Variants in RHBDF1 observed in about 807,000 individuals in gnomAD.
The protein encoded by RHBDF1 is rhomboid 5 homolog 1.
RHBDF1 carries 80 observed loss-of-function variants against 98.6 expected under a neutral mutation model. That is an observed-to-expected ratio of 0.81 (90% CI 0.68 to 0.98). The LOEUF is 0.98. RHBDF1 is among the 50% of genes least tolerant of loss of function. RHBDF1 has a pLI of 0.00. For missense variants in RHBDF1, 1,116 were observed against 1,198.3 expected (o/e 0.93, Z 1.01); for synonymous variants, 512 against 486.8 (o/e 1.05, Z -0.68).
Position 70,013 on chromosome 16 carries a change from G to A in RHBDF1, c.-25+2500C>T, listed in dbSNP as rs564065434. 5.6e-3 allele frequency among the ~76,000 whole-genome samples: 737 copies of A among 132,250 alleles called. 3 individuals are homozygous for A. Among genetic ancestry groups the A allele is most frequent in the Non-Finnish European group, 8.6e-3 (570 of 66,520 alleles). The allele number at this position is 132,250 out of a possible 152,430, so 86.8% of individuals were successfully genotyped here. A position where few individuals can be genotyped will look rare whatever the true frequency, so the allele number is the denominator to read the frequency against. On this transcript the variant is annotated intron_variant, in intron 1 of 17. Transcript: ENST00000262316. ...CAAAGGGGCCAGCACTTGGCAGGAG[G>A]GGGGGGGGCACTGCCCCAAGGCTCA...
Position 65,056 on chromosome 16 carries a change from G to C in RHBDF1, c.-24-17C>G. Reference sequence around the variant, plus strand: ...AAGGCAGGCCTGCGGGGCATGGTGTGTTATTCAATAATGACAAAGCTGACA... The same window carrying C: ...AAGGCAGGCCTGCGGGGCATGGTGTCTTATTCAATAATGACAAAGCTGACA... On this transcript the variant is annotated splice_polypyrimidine_tract_variant and intron_variant, in intron 1 of 17. Transcript: ENST00000262316. 6.7e-7 allele frequency: 1 copy of C among 1,491,060 alleles called. No homozygotes were observed. The highest frequency in any genetic ancestry group is 8.9e-7 in the Non-Finnish European group (1 of 1,124,548). 92.4% of individuals were successfully genotyped at this position (1,491,060 alleles called of 1,614,324 possible). A position where few individuals can be genotyped will look rare whatever the true frequency, so the allele number is the denominator to read the frequency against.
Position 61,714 on chromosome 16 carries a change from A to G in RHBDF1, c.1209-18T>C. On this transcript the variant is annotated intron_variant, in intron 8 of 17. Transcript: ENST00000262316. ...AGAAGGGCCTGCGGGGTGGAGCGTC[A>G]GCGGGGGCCTCATCCCCGACCCGGA... 6.2e-7 allele frequency: 1 copy of G among 1,612,964 alleles called. No individual in the cohort carries two copies. Among genetic ancestry groups the G allele is most frequent in the Middle Eastern group, 1.7e-4 (1 of 6,058 alleles).
intron 1 of RHBDF1, among the ~76,000 whole-genome samples, chr16:70,898 C>A (rs1897951513): frequency 6.6e-6 from 1 of 152,238 alleles, no homozygotes. Context: ...GACTCACCCC[C>A]AAAATCGTCC....
intron 3 of RHBDF1, 28 bp from the exon 4 acceptor site, chr16:63,828 C>T (rs202037831): frequency 4.9e-5 from 78 of 1,595,248 alleles, no homozygotes; most frequent in South Asian, 3.9e-4. Flanking sequence ...CAGCAAGGGG[C>T]GGCCAGATCG....
upstream of RHBDF1, among the ~76,000 whole-genome samples, chr16:75,345 AC>A (rs946705839): frequency 6.6e-6 from 1 of 152,106 alleles, no homozygotes; most frequent in Non-Finnish European, 1.5e-5. Flanking sequence ...CCCAACAGCT[AC>A]CCCAGAATCC....
chr16:66,028 T>TC lies in RHBDF1; in HGVS notation c.-24-990dup, dbSNP rs1897821331. Among the ~76,000 whole-genome samples the TC allele has an allele frequency of 2.0e-5, 3 of 152,286 alleles. No individual in the cohort carries two copies. The South Asian group carries it at 6.2e-4, about 32-fold the overall frequency. On this transcript the variant is annotated intron_variant, in intron 1 of 17. Transcript: ENST00000262316. ...CACTGCCTGGCCATATGACTACGAC[T>TC]CCATTTCCCCCTTACACCTTCCTGG... is the stretch of plus-strand genomic sequence containing the variant.
rs1345992576 is a variant in RHBDF1, at chr16:61,288, GCGAGGGAGACGAGCGGC to G, written c.1396-24_1396-8del. ...CCAGGTGGATGAGGGCCTCCTGCGG[GCGAGGGAGACGAGCGGC>G]CGCAGTCCGGGGCCTCCTGCCCCCG... On this transcript the variant is annotated splice_polypyrimidine_tract_variant and splice_region_variant and intron_variant, in intron 10 of 17. Coordinates refer to ENST00000262316, the MANE Select transcript of RHBDF1 (RefSeq NM_022450.5). 6.5e-7 allele frequency: 1 copy of G among 1,543,236 alleles called. No individual in the cohort carries two copies.
upstream of RHBDF1, among the ~76,000 whole-genome samples, chr16:75,909 G>A (rs1195828796): frequency 1.3e-5 from 2 of 152,160 alleles, no homozygotes; most frequent in Non-Finnish European, 2.9e-5. Context: ...GAGCCAGTGT[G>A]CTGGGCACCC....
In RHBDF1 at chr16:63,049, A is replaced by T. The variant is rs141410886; in HGVS notation, c.596T>A (p.Phe199Tyr). 4 of 1,612,844 alleles carry T rather than the reference A, an allele frequency of 2.5e-6. No homozygotes were observed. The African/African-American group carries it at 5.3e-5, about 22-fold the overall frequency. The part of the protein sequence containing the change: ...LCSFSSSRSG[F>Y]HRLPRRRKRE... Reference sequence around the variant, plus strand: ...CTTGCGCCGCCGCGGGAGCCGGTGGAAACCTGAGCGGGAGCTGGAGAAGGA... The same window carrying T: ...CTTGCGCCGCCGCGGGAGCCGGTGGTAACCTGAGCGGGAGCTGGAGAAGGA... Residue 199 changes from phenylalanine to tyrosine, a missense_variant, in exon 5 of 18, where the codon TTC (phenylalanine) becomes TAC (tyrosine). Transcript: ENST00000262316.
rs776718376 is a variant in RHBDF1, at chr16:62,879, C to T, written c.691G>A (p.Gly231Ser). 6.2e-7 allele frequency: 1 copy of T among 1,613,870 alleles called. No individual in the cohort carries two copies. The highest frequency in any genetic ancestry group is 8.5e-7 in the Non-Finnish European group (1 of 1,179,962). The change falls in exon 6 of 18, where the codon GGC becomes AGC. Residue 231 changes from glycine to serine, a missense_variant. Coordinates refer to ENST00000262316, the MANE Select transcript of RHBDF1 (RefSeq NM_022450.5). Reference protein sequence around the residue: ...ALMKGRSVRDGTFRRAQRRSF... With the variant: ...ALMKGRSVRDSTFRRAQRRSF... ...CGACGCTGTGCCCGGCGAAAGGTGC[C>T]ATCCCTAACGGAGCGGCCCTGGGGA...
Position 61,592 on chromosome 16 carries a change from A to G in RHBDF1, c.1313T>C (p.Val438Ala). Residue 438 changes from valine to alanine, a missense_variant, in exon 9 of 18, where the codon GTG becomes GCG. Val to Ala is a moderately conservative substitution (Grantham distance 64). Transcript: ENST00000262316. ...GAAGGCACAGGGGCTCACCGAGTCC[A>G]CCGTCTCATGCTGCGAGAAGCCCAC... ...APVGFSQHET[V>A]DSVLRNRGVY... 1 of 1,613,246 alleles carries G rather than the reference A, an allele frequency of 6.2e-7. No homozygotes were observed.
Position 58,153 on chromosome 16 carries a change from TATA to T in RHBDF1, c.*184_*186del, listed in dbSNP as rs1897455113. 1.7e-6 allele frequency: 1 copy of T among 587,488 alleles called. No individual in the cohort carries two copies. The highest frequency in any genetic ancestry group is 2.8e-5 in the East Asian group (1 of 35,212). 36.4% of individuals were successfully genotyped at this position (587,488 alleles called of 1,614,324 possible). A position where few individuals can be genotyped will look rare whatever the true frequency, so the allele number is the denominator to read the frequency against. On this transcript the variant is annotated 3_prime_UTR_variant, in exon 18 of 18. Coordinates refer to ENST00000262316, the MANE Select transcript of RHBDF1 (RefSeq NM_022450.5). Reference sequence around the variant, plus strand: ...GTTAGAAGGTTATGACAGGAAGTAGTATAATAAATGCCCGGCAGTACGAGGGGT... The same window carrying T: ...GTTAGAAGGTTATGACAGGAAGTAGTATAAATGCCCGGCAGTACGAGGGGT...
intron 17 of RHBDF1, 105 bp from the exon 18 acceptor site, chr16:58,864 G>A (rs1897488176): frequency 6.4e-7 from 1 of 1,554,292 alleles, no homozygotes; most frequent in Admixed American, 1.7e-5. Flanking sequence ...AGCATATTGG[G>A]ACCGAGGATC....
At position 61,701 on chromosome 16, in the gene RHBDF1, G is replaced by A. The variant is rs765379485; in HGVS notation, c.1209-5C>T. 2 of 1,613,252 alleles carry A rather than the reference G, an allele frequency of 1.2e-6. No homozygotes were observed. Among genetic ancestry groups the A allele is most frequent in the South Asian group, 1.1e-5 (1 of 91,078 alleles). ...AGCCAGTAGGTGAAGAAGGGCCTGC[G>A]GGGTGGAGCGTCAGCGGGGGCCTCA... On this transcript the variant is annotated splice_polypyrimidine_tract_variant and splice_region_variant and intron_variant, in intron 8 of 17. Transcript: ENST00000262316.
rs772922661 is a variant in RHBDF1 at position 59,724 on chromosome 16, A to G, written c.1817+8T>C. The G allele has an allele frequency of 1.1e-5, 17 of 1,613,750 alleles. No homozygotes were observed. The East Asian group carries it at 3.6e-4, about 34-fold the overall frequency. On this transcript the variant is annotated splice_region_variant and intron_variant, in intron 14 of 17. Transcript: ENST00000262316. The stretch of plus-strand genomic sequence containing the variant: ...AGACCAGCTGCACTCGCTGGCACGC[A>G]CACGTACCTGCCCTTGGTGCCAATG...
Position 62,079 on chromosome 16 carries a change from G to A in RHBDF1, c.954-27C>T, listed in dbSNP as rs544678216. Reference sequence around the variant, plus strand: ...TGGAGGGAGCCGGCATTCACCTCCCGCCCCAGCCCCGCAAACTGCTGCAGT... The same window carrying A: ...TGGAGGGAGCCGGCATTCACCTCCCACCCCAGCCCCGCAAACTGCTGCAGT... On this transcript the variant is annotated intron_variant, in intron 7 of 17. Transcript: ENST00000262316. 3.8e-5 allele frequency: 55 copies of A among 1,439,628 alleles called. No homozygotes were observed. In the Admixed American group the frequency reaches 8.5e-4, roughly 22 times the overall value. 89.2% of individuals were successfully genotyped at this position (1,439,628 alleles called of 1,614,324 possible). A position where few individuals can be genotyped will look rare whatever the true frequency, so the allele number is the denominator to read the frequency against.
intron 1 of RHBDF1, among the ~76,000 whole-genome samples, chr16:68,539 G>A (rs767768321): frequency 3.3e-5 from 5 of 152,228 alleles, no homozygotes; most frequent in African/African-American, 9.6e-5. Flanking sequence ...CGTGGCCCAC[G>A]GAAGGCCTCA....
At chr16:61,520 G>A (rs1338956898) in intron 9 of RHBDF1, 61 bp from the exon 10 acceptor site, 2 of 1,610,554 alleles carry the variant, frequency 1.2e-6, no homozygotes, top group Non-Finnish European at 1.7e-6. Flanking sequence ...TCCCAGAGCG[G>A]GTCGGGAGGG....
Position 59,354 on chromosome 16 carries a change from G to A in RHBDF1, c.1894-5C>T, listed in dbSNP as rs766084835. ...CACATCATCCATGCAGTGCACCTGC[G>A]CAGAGCAGCATATCAGCATCACAGT... On this transcript the variant is annotated splice_region_variant and splice_polypyrimidine_tract_variant and intron_variant, in intron 15 of 17. Transcript: ENST00000262316. 29 of 1,611,880 alleles carry A rather than the reference G, an allele frequency of 1.8e-5. No individual in the cohort carries two copies. Among genetic ancestry groups the A allele is most frequent in the Middle Eastern group, 1.6e-4 (1 of 6,082 alleles).
Sources: allele counts gnomAD v4.1 joint callset (sites outside exome capture counted in the v4.1 genomes callset), GRCh38; gene constraint gnomAD v4.1.1; transcripts MANE v1.5; gene names NCBI Gene and HGNC (gene_info 2026-07-23, HGNC 2026-07-21).